The following MFAP3 variants were observed in gnomAD, a reference collection of about 807,000 sequenced individuals.
The protein encoded by MFAP3 is microfibril-associated glycoprotein 3.
MFAP3 carries 8 observed loss-of-function variants against 20.5 expected under a neutral mutation model. The ratio of observed to expected loss-of-function variants is 0.39; its 90% CI spans 0.23 to 0.70. The LOEUF is 0.70. MFAP3 is among the 30% of genes least tolerant of loss of function. The pLI, the probability that MFAP3 is intolerant of heterozygous loss-of-function variation, is 0.44. For synonymous variants in MFAP3, 140 were observed against 154.0 expected (o/e 0.91, Z 0.67); for missense variants, 398 against 444.6 (o/e 0.90, Z 0.94).
chr5:154,053,458 T>G lies in MFAP3; in HGVS notation c.834T>G (p.Asn278Lys), dbSNP rs1280450399. The change falls in exon 3 of 3, where the codon AAT becomes AAG. Residue 278 changes from asparagine to lysine, a missense_variant. Transcript: ENST00000522782. ...GERIKERPAL[N>K]AQGGIYVINP... ...GAATTAAAGAGAGACCTGCCTTGAA[T>G]GCTCAAGGTGGCATCTATGTCATTA... The G allele has an allele frequency of 6.2e-7, 1 of 1,613,810 alleles. No individual in the cohort carries two copies. The highest frequency in any genetic ancestry group is 1.3e-5 in the African/African-American group (1 of 74,902).
rs1040073006 is a variant in MFAP3, at chr5:154,042,238, C to G, written c.-167+3227C>G. ...AAAATGGCCTGGGAAGATCATAAAT[C>G]TAAGCCTGTTTCATTGATGTTTTTG... On this transcript the variant is annotated intron_variant, in intron 1 of 2. Transcript: ENST00000522782. Among the ~76,000 whole-genome samples the G allele has an allele frequency of 2.0e-5, 3 of 152,204 alleles. No individual in the cohort carries two copies. In the South Asian group the frequency reaches 6.2e-4, roughly 31 times the overall value.
At chr5:154,046,496 A>G (rs1397765707) in intron 1 of MFAP3, among the ~76,000 whole-genome samples, 2 of 152,208 alleles carry the variant, frequency 1.3e-5, no homozygotes, top group Admixed American at 1.3e-4. Flanking sequence ...AGCAGTACAG[A>G]GCAGCATATA....
rs757131566 is a variant in MFAP3, at chr5:154,049,657, G to A, written c.-66G>A. ...TACCAAGCAATAAATTACCCGCTGT[G>A]CTTTTGTTGTAGTGTAGAAGTTTTT... is the stretch of plus-strand genomic sequence containing the variant. On this transcript the variant is annotated 5_prime_UTR_variant, in exon 2 of 3. Coordinates refer to ENST00000522782, the MANE Select transcript of MFAP3 (RefSeq NM_005927.5). 124 of 1,474,226 alleles carry A rather than the reference G, an allele frequency of 8.4e-5. No individual in the cohort carries two copies. Among genetic ancestry groups the A allele is most frequent in the Non-Finnish European group, 9.9e-5 (107 of 1,083,834 alleles). 91.3% of individuals were successfully genotyped at this position (1,474,226 alleles called of 1,614,324 possible).
rs772058275 is a variant in MFAP3, at chr5:154,053,593, A to G, written c.969A>G (p.Glu323=). Reference sequence around the variant, plus strand: ...AGGTTTCTGTCCACCTTCAGTCAGAAACCAAAAGTATTGATACAGAGTCTC... The same window carrying G: ...AGGTTTCTGTCCACCTTCAGTCAGAGACCAAAAGTATTGATACAGAGTCTC... ...AVQVSVHLQS[E]TKSIDTESQG... Residue 323 remains glutamate (E), a synonymous_variant, in exon 3 of 3, where the codon GAA becomes GAG. Coordinates refer to ENST00000522782, the MANE Select transcript of MFAP3 (RefSeq NM_005927.5). The G allele has an allele frequency of 2.7e-5, 43 of 1,613,882 alleles. No individual in the cohort carries two copies. Among genetic ancestry groups the G allele is most frequent in the Non-Finnish European group, 3.6e-5 (42 of 1,179,942 alleles).
intron 1 of MFAP3, among the ~76,000 whole-genome samples, chr5:154,041,319 A>G (rs990801659): frequency 1.3e-5 from 2 of 152,268 alleles, no homozygotes; most frequent in Non-Finnish European, 2.9e-5. Flanking sequence ...GAGAGAATAA[A>G]GTAAAACAAG....
chr5:154,053,238 G>A lies in MFAP3; in HGVS notation c.614G>A (p.Arg205His), dbSNP rs767163083. 4 of 1,613,798 alleles carry A rather than the reference G, an allele frequency of 2.5e-6. No homozygotes were observed. The highest frequency in any genetic ancestry group is 1.3e-5 in the African/African-American group (1 of 74,884). ...CAGAAGGCCTTTGAGATTGCAAAAC[G>A]TATCCCCATCATTACCTCAGCCAAA... The part of the protein sequence containing the change: ...KLQKAFEIAK[R>H]IPIITSAKTL... The change falls in exon 3 of 3, where the codon CGT (arginine) becomes CAT (histidine). Residue 205 changes from arginine (R) to histidine (H), a missense_variant. Transcript: ENST00000522782.
chr5:154,044,130 AT>A (rs1246139258), intron 1 of MFAP3, among the ~76,000 whole-genome samples: 1 of 152,190 alleles, frequency 6.6e-6, no homozygotes, highest in Non-Finnish European at 1.5e-5. Context: ...CAGTGTCCTA[AT>A]TCTCCTTAGC....
At chr5:154,045,860 A>G in intron 1 of MFAP3, among the ~76,000 whole-genome samples, 1 of 152,226 alleles carries the variant, frequency 6.6e-6, no homozygotes. Flanking sequence ...CTAGAATGGA[A>G]TGTGAGTGAT....
chr5:154,051,863 T>A (rs1490610027), intron 2 of MFAP3: 1 of 152,160 alleles, frequency 6.6e-6, no homozygotes, highest in Non-Finnish European at 1.5e-5. Flanking sequence ...GATTGGGCAC[T>A]CAAGTAATGC....
At chr5:154,041,594 G>C (rs1009401766) in intron 1 of MFAP3, among the ~76,000 whole-genome samples, 1 of 152,218 alleles carries the variant, frequency 6.6e-6, no homozygotes, top group Non-Finnish European at 1.5e-5. Context: ...TATTCTTGGA[G>C]AATTACAATG....
chr5:154,051,354 A>G (rs1259851400), intron 2 of MFAP3, among the ~76,000 whole-genome samples: 1 of 152,198 alleles, frequency 6.6e-6, no homozygotes, highest in East Asian at 1.9e-4. Flanking sequence ...GTGGAATGGC[A>G]GTTTTATTTT....
Position 154,056,216 on chromosome 5 carries a change from A to T in MFAP3, c.*2503A>T, listed in dbSNP as rs1773328339. On this transcript the variant is annotated 3_prime_UTR_variant, in exon 3 of 3. Transcript: ENST00000522782. ...AACTAAATGCATGCTACTCCGTTGT[A>T]TCCTAGTTATTTTAGAAACAGAGGT... Among the ~76,000 whole-genome samples, 1 of 152,222 alleles carries T rather than the reference A, an allele frequency of 6.6e-6. No individual in the cohort carries two copies. The highest frequency in any genetic ancestry group is 1.5e-5 in the Non-Finnish European group (1 of 68,036).
chr5:154,041,115 C>T (rs1230523206), intron 1 of MFAP3, among the ~76,000 whole-genome samples: 3 of 150,398 alleles, frequency 2.0e-5, no homozygotes, highest in African/African-American at 7.4e-5. Flanking sequence ...TCTTAATGTG[C>T]TAGGGGACTG....
Position 154,053,690 on chromosome 5 carries a change from G to A in MFAP3, c.1066G>A (p.Ala356Thr), listed in dbSNP as rs1773261535. The A allele has an allele frequency of 6.2e-7, 1 of 1,612,042 alleles. No homozygotes were observed. Among genetic ancestry groups the A allele is most frequent in the Non-Finnish European group, 8.5e-7 (1 of 1,178,534 alleles). Residue 356 changes from alanine (A) to threonine (T), a missense_variant, in exon 3 of 3, where the codon GCA becomes ACA. Transcript: ENST00000522782. ...AESNCNYKDG[A>T]YENCQL ...ATCTAACTGTAACTACAAAGATGGG[G>A]CATATGAAAACTGTCAGCTGTAACC...
chr5:154,050,509 C>T (rs1472002189), intron 2 of MFAP3, among the ~76,000 whole-genome samples: 2 of 151,794 alleles, frequency 1.3e-5, no homozygotes, highest in Non-Finnish European at 2.9e-5. Context: ...AGAGGAAATC[C>T]AGGACATTTT....
At chr5:154,049,223 T>A (rs1773126116) in intron 1 of MFAP3, among the ~76,000 whole-genome samples, 1 of 152,186 alleles carries the variant, frequency 6.6e-6, no homozygotes, top group Non-Finnish European at 1.5e-5. Context: ...TGAAATAGAA[T>A]CATGGCATTT....
rs761396300 is a variant in MFAP3 at position 154,053,502 on chromosome 5, G to T, written c.878G>T (p.Ser293Ile). Residue 293 changes from serine to isoleucine, a missense_variant, in exon 3 of 3, where the codon AGT becomes ATT. Coordinates refer to ENST00000522782, the MANE Select transcript of MFAP3 (RefSeq NM_005927.5). The stretch of plus-strand genomic sequence containing the variant: ...GTCATTAACCCAGAGATGGGACGGA[G>T]TAATTCACCAGGAGGAGATTCAGAT... ...IYVINPEMGRSNSPGGDSDDG... is the reference protein window; with the variant it reads ...IYVINPEMGRINSPGGDSDDG... The T allele has an allele frequency of 6.2e-7, 1 of 1,613,808 alleles. No homozygotes were observed.
At chr5:154,040,626 T>C (rs1014692277) in intron 1 of MFAP3, among the ~76,000 whole-genome samples, 1 of 152,234 alleles carries the variant, frequency 6.6e-6, no homozygotes, top group Non-Finnish European at 1.5e-5. Flanking sequence ...AAAAGAAATA[T>C]GAGTTTGATT....
rs1213176308 is a variant in MFAP3, at chr5:154,053,554, G to A, written c.930G>A (p.Gln310=). The A allele has an allele frequency of 1.2e-6, 2 of 1,613,900 alleles. No homozygotes were observed. Among genetic ancestry groups the A allele is most frequent in the Admixed American group, 1.7e-5 (1 of 59,984 alleles). The change falls in exon 3 of 3, where the codon CAG becomes CAA. Residue 310 remains glutamine, a synonymous_variant. Coordinates refer to ENST00000522782, the MANE Select transcript of MFAP3 (RefSeq NM_005927.5). ...ATGGCTCTCTGAATGAACAAGGCCA[G>A]GAAATAGCAGTTCAGGTTTCTGTCC... The part of the protein sequence containing the change: ...SDDGSLNEQG[Q]EIAVQVSVHL...
Sources: gnomAD v4.1 joint callset for allele counts (sites outside exome capture counted in the v4.1 genomes callset) on GRCh38, gnomAD v4.1.1 for gene constraint, MANE v1.5 for transcripts, NCBI Gene and HGNC (gene_info 2026-07-23, HGNC 2026-07-21) for gene names.